Variants in NUP205 observed in about 807,000 individuals in gnomAD.
NUP205 encodes nuclear pore complex protein Nup205.
NUP205 carries 76 observed loss-of-function variants against 253.8 expected under a neutral mutation model. The observed-to-expected ratio is 0.30, with a 90% confidence interval of 0.25 to 0.36. NUP205 has a LOEUF of 0.36. Ranked by LOEUF, NUP205 falls within the 10% of genes least tolerant of loss-of-function variation. The pLI is 1.00. For synonymous variants in NUP205, 832 were observed against 850.1 expected, an observed-to-expected ratio of 0.98 and a Z score of 0.37; for missense variants, 2,162 against 2,425.5, an observed-to-expected ratio of 0.89 and a Z score of 2.28.
chr7:135,632,266 C>T (rs1188740974), intron 35 of NUP205, among the ~76,000 whole-genome samples: 1 of 151,958 alleles, frequency 6.6e-6, no homozygotes, highest in Admixed American at 6.6e-5. Context: ...AAATACTTGA[C>T]ATGTTAATTG....
In NUP205 at chr7:135,631,977, C is replaced by T. The variant is rs112513162; in HGVS notation, c.5059+1507C>T. Among the ~76,000 whole-genome samples, 844 of 152,178 alleles carry T rather than the reference C, an allele frequency of 5.5e-3. 13 individuals carry two copies. The highest frequency in any genetic ancestry group is 0.051 in the East Asian group (262 of 5,174). On this transcript the variant is annotated intron_variant, in intron 35 of 42. Coordinates refer to ENST00000285968, the MANE Select transcript of NUP205 (RefSeq NM_015135.3). Reference sequence around the variant, plus strand: ...TGTTAGCCAGGTCTTGATCTCCTGACCTTGTAATCTGCCCGCCTCGGCCTC... The same window carrying T: ...TGTTAGCCAGGTCTTGATCTCCTGATCTTGTAATCTGCCCGCCTCGGCCTC...
chr7:135,601,121 A>G, intron 16 of NUP205, 152 bp downstream of exon 16: 2 of 595,018 alleles, frequency 3.4e-6, no homozygotes, highest in Non-Finnish European at 2.8e-6. Flanking sequence ...TCTGTTCAAG[A>G]GAAAAAATTA....
At chr7:135,596,123 G>T (rs558333550) in intron 13 of NUP205, among the ~76,000 whole-genome samples, 1 of 151,814 alleles carries the variant, frequency 6.6e-6, no homozygotes, top group African/African-American at 2.4e-5. Context: ...TAGTAGAGAC[G>T]GGGTTTCTCC....
At chr7:135,643,390 G>A in intron 39 of NUP205, 32 bp downstream of exon 39, 1 of 1,591,880 alleles carries the variant, frequency 6.3e-7, no homozygotes, top group Non-Finnish European at 8.6e-7. Context: ...GGGGGGACTT[G>A]AGAAATCATT....
At chr7:135,631,728 ATT>A (rs35634535) in intron 35 of NUP205, among the ~76,000 whole-genome samples, 1 of 145,630 alleles carries the variant, frequency 6.9e-6, no homozygotes, top group Non-Finnish European at 1.5e-5. Flanking sequence ...ATCTCTTGGT[ATT>A]TTTTTTTTTC....
At chr7:135,626,196 G>T in intron 32 of NUP205, 44 bp from the exon 33 acceptor site, 3 of 1,610,242 alleles carry the variant, frequency 1.9e-6, no homozygotes, top group African/African-American at 1.3e-5. Flanking sequence ...GAGGCCCTTG[G>T]ACATGATTTC....
intron 35 of NUP205, among the ~76,000 whole-genome samples, chr7:135,634,767 CAT>C (rs1794777968): frequency 6.6e-6 from 1 of 152,054 alleles, no homozygotes; most frequent in African/African-American, 2.4e-5. Flanking sequence ...AACGAGCCCA[CAT>C]GTACCAGATG....
chr7:135,573,603 C>A, intron 2 of NUP205, 51 bp from the exon 3 acceptor site: 1 of 1,423,872 alleles, frequency 7.0e-7, no homozygotes, highest in South Asian at 1.3e-5. Context: ...CACTTTGGGA[C>A]CTTGTCTCCA....
At position 135,577,998 on chromosome 7, in the gene NUP205, T is replaced by C. The variant is rs1806198145; in HGVS notation, c.851T>C (p.Ile284Thr). ...ALLYCFDISF[I>T]EQSTEERDDM... ...CTATACTGTTTTGATATCAGTTTTA[T>C]AGAGCAAAGCACAGAGGAACGAGAT... is the stretch of plus-strand genomic sequence containing the variant. The change falls in exon 6 of 43, where the codon ATA becomes ACA. Residue 284 changes from isoleucine (I) to threonine (T), a missense_variant. Physicochemically the swap from Ile to Thr is moderately conservative, Grantham distance 89. Around this residue, in one of 5 missense-constraint regions of NUP205, gnomAD observed 892 missense variants for 957.1 expected, o/e 0.93. Coordinates refer to ENST00000285968, the MANE Select transcript of NUP205 (RefSeq NM_015135.3). 6.2e-7 allele frequency: 1 copy of C among 1,613,394 alleles called. No individual in the cohort carries two copies. The highest frequency in any genetic ancestry group is 1.3e-5 in the African/African-American group (1 of 74,922).
In NUP205 at chr7:135,635,729, C is replaced by A. The variant is rs113769506; in HGVS notation, c.5136+72C>A. ...AAAATATACCATCCTCCCCATTGTG[C>A]CCCCTAGATTTGGGAAACCCCTTTC... On this transcript the variant is annotated intron_variant, in intron 36 of 42. Transcript: ENST00000285968. 3.7e-3 allele frequency: 3,220 copies of A among 875,960 alleles called. 69 individuals are homozygous for A. In the African/African-American group the frequency reaches 0.047, roughly 13 times the overall value. The allele number at this position is 875,960 out of a possible 1,614,324, so 54.3% of individuals were successfully genotyped here. A position where few individuals can be genotyped will look rare whatever the true frequency, so the allele number is the denominator to read the frequency against.
chr7:135,602,749 G>A (rs1321121717), intron 17 of NUP205, 56 bp from the exon 18 acceptor site: 4 of 1,347,422 alleles, frequency 3.0e-6, no homozygotes, highest in Non-Finnish European at 4.2e-6. Context: ...CCTAAGAATT[G>A]ACTGTGAGTT....
intron 30 of NUP205, among the ~76,000 whole-genome samples, chr7:135,620,801 T>A (rs1055621165): frequency 6.6e-6 from 1 of 152,170 alleles, no homozygotes; most frequent in Non-Finnish European, 1.5e-5. Flanking sequence ...TTTGTACTAG[T>A]GAGGTTTTGT....
intron 41 of NUP205, 171 bp downstream of exon 41, chr7:135,645,767 G>A (rs1002946477): frequency 6.2e-6 from 4 of 642,694 alleles, no homozygotes; most frequent in Admixed American, 2.9e-5. Context: ...TTCTGTTCAC[G>A]GGACATTGTG....
rs765300555 is a variant in NUP205 at position 135,600,866 on chromosome 7, A to G, written c.2275-4A>G. The G allele has an allele frequency of 2.1e-5, 33 of 1,581,352 alleles. No individual in the cohort carries two copies. Among genetic ancestry groups the G allele is most frequent in the Non-Finnish European group, 2.8e-5 (32 of 1,151,484 alleles). On this transcript the variant is annotated splice_polypyrimidine_tract_variant and splice_region_variant and intron_variant, in intron 15 of 42. Coordinates refer to ENST00000285968, the MANE Select transcript of NUP205 (RefSeq NM_015135.3). ...GTTATTGACCTATTTATATCTTTCT[A>G]TAGTGGGAAGTTGCTGAGGTGGTTT...
chr7:135,608,119 C>T (rs545156181), intron 22 of NUP205, among the ~76,000 whole-genome samples: 14 of 151,228 alleles, frequency 9.3e-5, no homozygotes, highest in Non-Finnish European at 2.1e-4. Context: ...CTCCACCTCC[C>T]AGGCTCAAGC....
chr7:135,588,887 A>C (rs1344016179), intron 10 of NUP205, among the ~76,000 whole-genome samples: 1 of 151,388 alleles, frequency 6.6e-6, no homozygotes. Flanking sequence ...GTGCAGAGGC[A>C]AATAAAATGA....
intron 24 of NUP205, 39 bp downstream of exon 24, chr7:135,616,104 T>C (rs1373830566): frequency 6.3e-7 from 1 of 1,577,074 alleles, no homozygotes; most frequent in African/African-American, 1.4e-5. Flanking sequence ...TGGTGACTAG[T>C]TGTCGTGAAG....
chr7:135,566,616 C>A (rs1309293621), intron 1 of NUP205, among the ~76,000 whole-genome samples: 1 of 152,174 alleles, frequency 6.6e-6, no homozygotes, highest in East Asian at 1.9e-4. Flanking sequence ...AAAGACCTGA[C>A]GCTTTGCATC....
intron 22 of NUP205, among the ~76,000 whole-genome samples, chr7:135,607,595 T>A (rs1794115321): frequency 6.6e-6 from 1 of 152,170 alleles, no homozygotes; most frequent in South Asian, 2.1e-4. Context: ...GAAATTAGAT[T>A]TTTGTGATGG....
Sources: gnomAD v4.1 joint callset for allele counts (sites outside exome capture counted in the v4.1 genomes callset) on GRCh38, gnomAD v4.1.1 for gene constraint, gnomAD v4.1.1 regional missense constraint, MANE v1.5 for transcripts, NCBI Gene and HGNC (gene_info 2026-07-23, HGNC 2026-07-21) for gene names.